The following PRRX1 variants were observed in gnomAD, a reference collection of about 807,000 sequenced individuals.
PRRX1 encodes paired related homeobox 1.
PRRX1 carries 8 observed loss-of-function variants against 24.0 expected under a neutral mutation model. The ratio of observed to expected loss-of-function variants is 0.33; its 90% CI spans 0.20 to 0.60. PRRX1 has a LOEUF of 0.60. PRRX1 is among the 20% of genes least tolerant of loss of function. PRRX1 has a pLI of 0.82. For synonymous variants in PRRX1, 160 were observed against 131.7 expected (o/e 1.22, Z -1.47); for missense variants, 281 against 322.4 (o/e 0.87, Z 0.98).
At chr1:170,707,187 A>G (rs1421435860) in intron 1 of PRRX1, among the ~76,000 whole-genome samples, 2 of 152,100 alleles carry the variant, frequency 1.3e-5, no homozygotes, top group East Asian at 3.9e-4. Flanking sequence ...GAAAATTGTA[A>G]TAATCCTTCT....
intron 3 of PRRX1, among the ~76,000 whole-genome samples, chr1:170,731,225 G>A (rs558586950): frequency 1.3e-5 from 2 of 152,248 alleles, no homozygotes; most frequent in South Asian, 4.1e-4. Flanking sequence ...TGCCTCCGTT[G>A]TTCTTGCACT....
chr1:170,664,815 T>C (rs566394788), intron 1 of PRRX1, among the ~76,000 whole-genome samples: 15 of 152,174 alleles, frequency 9.9e-5, no homozygotes, highest in Non-Finnish European at 2.2e-4. Flanking sequence ...GAAAAGGTCT[T>C]AGCGGGGTGC....
intron 1 of PRRX1, chr1:170,667,829 T>C (rs1558041746): frequency 6.6e-6 from 1 of 152,256 alleles, no homozygotes; most frequent in Non-Finnish European, 1.5e-5. Flanking sequence ...CTAAATTTTC[T>C]CTTCAGCTGA....
chr1:170,664,884 T>A (rs1652863909), intron 1 of PRRX1, among the ~76,000 whole-genome samples: 1 of 152,184 alleles, frequency 6.6e-6, no homozygotes, highest in African/African-American at 2.4e-5. Context: ...TGAGTCGGGT[T>A]GGAAGGGCTT....
In PRRX1 at chr1:170,686,179, C is replaced by CAAA. The variant is rs397754426; in HGVS notation, c.241+21734_241+21736dup. On this transcript the variant is annotated intron_variant, in intron 1 of 3. Coordinates refer to ENST00000239461, the MANE Select transcript of PRRX1 (RefSeq NM_022716.4). ...CCTGATAGATCCTTAGTTAAGGGTA[C>CAAA]AAAAAAAAAAAAAAAACAAGTTGCT... is the stretch of plus-strand genomic sequence containing the variant. Among the ~76,000 whole-genome samples, 570 of 105,200 alleles carry CAAA rather than the reference C, an allele frequency of 5.4e-3. 10 individuals carry two copies. Among genetic ancestry groups the CAAA allele is most frequent in the African/African-American group, 0.015 (434 of 28,928 alleles). The allele number at this position is 105,200 out of a possible 152,430, so 69.0% of individuals were successfully genotyped here.
At chr1:170,679,005 C>A (rs568937887) in intron 1 of PRRX1, among the ~76,000 whole-genome samples, 44 of 152,284 alleles carry the variant, frequency 2.9e-4, no homozygotes, top group African/African-American at 1.0e-3. Context: ...AGTCTGAAAA[C>A]ACTGATCCAG....
intron 1 of PRRX1, among the ~76,000 whole-genome samples, chr1:170,695,121 C>T (rs992426946): frequency 2.0e-5 from 3 of 152,052 alleles, no homozygotes; most frequent in East Asian, 1.9e-4. Context: ...GCAAGATATC[C>T]GATGTTGTTA....
rs1571341791 is a variant in PRRX1 at position 170,716,206 on chromosome 1, C to T, written c.242-3520C>T. On this transcript the variant is annotated intron_variant, in intron 1 of 3. Transcript: ENST00000239461. ...TTTTTACTAAGAGCAACAATAACTA[C>T]ATATTTTCAGTTTACTCAATCATCA... 2.0e-5 allele frequency among the ~76,000 whole-genome samples: 3 copies of T among 152,246 alleles called. No individual in the cohort carries two copies. In the South Asian group the frequency reaches 6.2e-4, roughly 32 times the overall value.
chr1:170,690,076 A>T (rs1248991978), intron 1 of PRRX1, among the ~76,000 whole-genome samples: 1 of 151,898 alleles, frequency 6.6e-6, no homozygotes. Flanking sequence ...AGCTCTTGCT[A>T]GCATTTGGTT....
chr1:170,679,389 G>GTTTTA (rs372171104), intron 1 of PRRX1, among the ~76,000 whole-genome samples: 1,578 of 152,124 alleles, frequency 0.01, 22 homozygotes, highest in East Asian at 0.035. Context: ...AAGACTAACT[G>GTTTTA]TTTTATTTTA....
intron 2 of PRRX1, among the ~76,000 whole-genome samples, chr1:170,721,598 G>A (rs1045826393): frequency 6.6e-6 from 1 of 152,174 alleles, no homozygotes; most frequent in African/African-American, 2.4e-5. Flanking sequence ...GACAAAAGAA[G>A]AAAGTCGTGG....
intron 1 of PRRX1, among the ~76,000 whole-genome samples, chr1:170,679,137 A>G (rs946049084): frequency 6.6e-6 from 1 of 152,222 alleles, no homozygotes; most frequent in Non-Finnish European, 1.5e-5. Context: ...TCAAAGGAGT[A>G]CATACAGCTT....
intron 1 of PRRX1, among the ~76,000 whole-genome samples, chr1:170,707,996 C>T (rs2101909133): frequency 6.6e-6 from 1 of 152,242 alleles, no homozygotes; most frequent in Non-Finnish European, 1.5e-5. Context: ...CATTGTCCTT[C>T]CTTAACCTTG....
At chr1:170,664,056 TTG>T, upstream of PRRX1, 1 of 709,300 alleles carries the variant, frequency 1.4e-6, no homozygotes, top group South Asian at 2.2e-5. Flanking sequence ...TTTTTTTTTT[TTG>T]GCCTTCCTCT....
rs1655679043 is a variant in PRRX1, at chr1:170,738,018, A to C, written c.*1832A>C. ...ACTTATAACCTTGTATTTGGAAATG[A>C]GAAATAGGTTTATATTTTCAGATCT... On this transcript the variant is annotated 3_prime_UTR_variant, in exon 4 of 4. Coordinates refer to ENST00000239461, the MANE Select transcript of PRRX1 (RefSeq NM_022716.4). The C allele has an allele frequency of 1.4e-5, 3 of 217,764 alleles. No individual in the cohort carries two copies. Among genetic ancestry groups the C allele is most frequent in the East Asian group, 1.4e-4 (2 of 14,642 alleles). 13.5% of individuals were successfully genotyped at this position (217,764 alleles called of 1,614,324 possible).
Position 170,719,899 on chromosome 1 carries a change from C to T in PRRX1, c.415C>T (p.Gln139Ter). The change falls in exon 2 of 4, where the codon CAG becomes TAG. Residue 139 changes from glutamine (Q) to a stop codon, truncating the protein, a stop_gained and splice_region_variant. Transcript: ENST00000239461. LOFTEE classifies it high-confidence loss of function. ...RRVNLTEARV[Q>*]VWFQNRRAKF... is the part of the protein sequence containing the mutation. ...GGTGAACCTCACCGAGGCGAGAGTG[C>T]AGGTAACTCAAGCTGTGAGAGGCTG... is the stretch of plus-strand genomic sequence containing the variant. 1 of 1,613,870 alleles carries T rather than the reference C, an allele frequency of 6.2e-7. No individual in the cohort carries two copies. Among genetic ancestry groups the T allele is most frequent in the Non-Finnish European group, 8.5e-7 (1 of 1,179,926 alleles).
Position 170,737,346 on chromosome 1 carries a change from G to A in PRRX1, c.*1160G>A, listed in dbSNP as rs572218576. 4.5e-4 allele frequency: 86 copies of A among 190,378 alleles called. 1 individual carries two copies. The highest frequency in any genetic ancestry group is 1.8e-3 in the African/African-American group (79 of 42,958). 11.8% of individuals were successfully genotyped at this position (190,378 alleles called of 1,614,324 possible). On this transcript the variant is annotated 3_prime_UTR_variant, in exon 4 of 4. Coordinates refer to ENST00000239461, the MANE Select transcript of PRRX1 (RefSeq NM_022716.4). The stretch of plus-strand genomic sequence containing the variant: ...TTAAAGCCACAGAATAATTGATAGG[G>A]CAGCTGTTTGAGAACAGGTCCCATT...
At chr1:170,720,819 T>G (rs1461131292) in intron 2 of PRRX1, among the ~76,000 whole-genome samples, 1 of 152,210 alleles carries the variant, frequency 6.6e-6, no homozygotes, top group Non-Finnish European at 1.5e-5. Flanking sequence ...CTAACATTAG[T>G]GCCATGACAC....
intron 3 of PRRX1, chr1:170,728,001 G>A (rs986064459): frequency 1.3e-5 from 2 of 152,154 alleles, no homozygotes; most frequent in African/African-American, 2.4e-5. Context: ...ACGCTAAATG[G>A]CTTGGAAAAT....
Sources: allele counts gnomAD v4.1 joint callset (sites outside exome capture counted in the v4.1 genomes callset), GRCh38; gene constraint gnomAD v4.1.1; transcripts MANE v1.5; gene names NCBI Gene and HGNC (gene_info 2026-07-23, HGNC 2026-07-21).